The following VSIG4 variants were observed in gnomAD, a reference collection of about 807,000 sequenced individuals.
The protein encoded by VSIG4 is V-set and immunoglobulin domain containing 4, also known as V-set and immunoglobulin domain-containing protein 4.
VSIG4 carries 34 observed loss-of-function variants against 23.4 expected under a neutral mutation model. That is an observed-to-expected ratio of 1.45 (90% confidence interval 1.10 to 1.93). VSIG4 has a LOEUF of 1.93. VSIG4 is among the 30% of genes most tolerant of loss of function. The pLI is 0.00. For synonymous variants in VSIG4, 169 were observed against 120.3 expected, an observed-to-expected ratio of 1.41 and a Z score of -2.65; for missense variants, 433 against 310.8, an observed-to-expected ratio of 1.39 and a Z score of -2.96.
At chrX:66,032,366 A>T in intron 3 of VSIG4, 102 bp downstream of exon 3, 2 of 1,021,358 alleles carry the variant, frequency 2.0e-6, no homozygotes, top group Non-Finnish European at 1.3e-6. Flanking sequence ...CCTGCTTGGG[A>T]TCCTCCTCTC....
In VSIG4 at chrX:66,027,930, T is replaced by C; in HGVS notation, c.757+120A>G. 4.6e-6 allele frequency: 3 copies of C among 648,321 alleles called. No homozygotes were observed. In the South Asian group the frequency reaches 7.1e-5, roughly 15 times the overall value. The allele number at this position is 648,321 out of a possible 1,213,427, so 53.4% of individuals were successfully genotyped here. A position where few individuals can be genotyped will look rare whatever the true frequency, so the allele number is the denominator to read the frequency against. ...TTGTTTCCATTCCTTTACTGCTATGTTCTCTCTGAGGAACCAAGTGACTGT... is the reference window on the plus strand; with the variant it reads ...TTGTTTCCATTCCTTTACTGCTATGCTCTCTCTGAGGAACCAAGTGACTGT... On this transcript the variant is annotated intron_variant, in intron 4 of 7. Transcript: ENST00000374737.
chrX:66,022,746 T>C, intron 7 of VSIG4, 95 bp downstream of exon 7: 1 of 1,201,528 alleles, frequency 8.3e-7, no homozygotes. Flanking sequence ...TAGGATTGGG[T>C]CTGTGCCACA....
At chrX:66,036,155 T>G (rs1260802306) in intron 1 of VSIG4, among the ~76,000 whole-genome samples, 2 of 110,739 alleles carry the variant, frequency 1.8e-5, no homozygotes, top group African/African-American at 6.6e-5. Flanking sequence ...CCCTTCTTCC[T>G]CCTTTATTTC....
intron 1 of VSIG4, among the ~76,000 whole-genome samples, chrX:66,036,711 TA>T (rs2085549875): frequency 1.8e-5 from 1 of 54,653 alleles, no homozygotes; most frequent in Non-Finnish European, 3.0e-5. Flanking sequence ...ATTATAATTA[TA>T]TAATATATAT....
intron 1 of VSIG4, among the ~76,000 whole-genome samples, chrX:66,037,386 TA>T (rs2085614421): frequency 1.1e-4 from 2 of 18,102 alleles, no homozygotes; most frequent in African/African-American, 2.0e-3. Context: ...TAATATATAA[TA>T]TATATTATGT....
Position 66,032,325 on chromosome X carries a change from GT to G in VSIG4, c.694+142del, listed in dbSNP as rs763797718. 232 of 754,510 alleles carry G rather than the reference GT, an allele frequency of 3.1e-4. 2 individuals are homozygous for G. The highest frequency in any genetic ancestry group is 2.7e-3 in the Admixed American group (70 of 25,936). The allele number at this position is 754,510 out of a possible 1,213,427, so 62.2% of individuals were successfully genotyped here. A position where few individuals can be genotyped will look rare whatever the true frequency, so the allele number is the denominator to read the frequency against. ...TCTATCCCTGTTGTCCCCAGTCCAA[GT>G]TTTTTTTCTTTGTGATTGTACAACC... is the stretch of plus-strand genomic sequence containing the variant. On this transcript the variant is annotated intron_variant, in intron 3 of 7. Transcript: ENST00000374737.
intron 3 of VSIG4, among the ~76,000 whole-genome samples, chrX:66,030,479 G>T (rs1357806911): frequency 1.8e-5 from 2 of 111,342 alleles, no homozygotes; most frequent in South Asian, 3.8e-4. Context: ...AAAGGGTATT[G>T]CAGGGCATTG....
At chrX:66,035,005 C>T (rs1377146799) in intron 1 of VSIG4, among the ~76,000 whole-genome samples, 1 of 110,837 alleles carries the variant, frequency 9.0e-6, no homozygotes, top group Non-Finnish European at 1.9e-5. Flanking sequence ...AGTATTCAGT[C>T]AAGCGGATGG....
chrX:66,037,491 T>A (rs2085623128), intron 1 of VSIG4, among the ~76,000 whole-genome samples: 1 of 58,201 alleles, frequency 1.7e-5, no homozygotes, highest in Non-Finnish European at 2.8e-5. Context: ...TATAATACAA[T>A]ATATAATATA....
chrX:66,035,557 G>C (rs2085527213), intron 1 of VSIG4, among the ~76,000 whole-genome samples: 1 of 111,368 alleles, frequency 9.0e-6, no homozygotes, highest in Non-Finnish European at 1.9e-5. Context: ...TGTAATTATA[G>C]GTTCCAGCTG....
In VSIG4 at chrX:66,039,953, C is replaced by T. The variant is rs748025880; in HGVS notation, c.46G>A (p.Asp16Asn). The change falls in exon 1 of 8, where the codon GAC (aspartate) becomes AAC (asparagine). Residue 16 changes from aspartate (D) to asparagine (N), a missense_variant. Transcript: ENST00000374737. ...GLLLLGHLTV[D>N]TYGRPILEVP... ...CCCCTTTCTGCCTTACCATAAGTGT[C>T]CACTGTTAGGTGCCCCAGGAGTAGC... The T allele has an allele frequency of 4.1e-6, 5 of 1,211,565 alleles. No individual in the cohort carries two copies. The Admixed American group carries it at 1.1e-4, about 26-fold the overall frequency.
chrX:66,039,994 C>G lies in VSIG4; in HGVS notation c.5G>C (p.Gly2Ala). Residue 2 changes from glycine to alanine, a missense_variant, in exon 1 of 8, where the codon GGG becomes GCG. Coordinates refer to ENST00000374737, the MANE Select transcript of VSIG4 (RefSeq NM_007268.3). M[G>A]ILLGLLLLGH... ...CAGGAGTAGCAGGCCCAGTAAGATC[C>G]CCATCACAGCCAGAGCTACTTCTGT... 8.3e-7 allele frequency: 1 copy of G among 1,211,599 alleles called. No individual in the cohort carries two copies. Among genetic ancestry groups the G allele is most frequent in the Non-Finnish European group, 1.1e-6 (1 of 895,268 alleles).
At position 66,027,414 on chromosome X, in the gene VSIG4, A is replaced by G. The variant is rs138469651; in HGVS notation, c.835+35T>C. On this transcript the variant is annotated intron_variant, in intron 5 of 7. Transcript: ENST00000374737. ...GTTTTGGTCACAAAGCTTAGAGTCA[A>G]GAAGAAAAGATAGAAATCCTGACAA... 1,930 of 1,142,026 alleles carry G rather than the reference A, an allele frequency of 1.7e-3. 27 individuals carry two copies. The African/African-American group carries it at 0.028, about 17-fold the overall frequency. 94.1% of individuals were successfully genotyped at this position (1,142,026 alleles called of 1,213,427 possible). A position where few individuals can be genotyped will look rare whatever the true frequency, so the allele number is the denominator to read the frequency against.
rs769830369 is a variant in VSIG4, at chrX:66,032,489, T to A, written c.673A>T (p.Ile225Phe). ...TCACCTTTGACCACAAACTTCACAA[T>A]GTCGCTGTGCTGCTCAGAGCCAACC... ...GQVGSEQHSDIVKFVVKDSSK... is the reference protein window; with the variant it reads ...GQVGSEQHSDFVKFVVKDSSK... Residue 225 changes from isoleucine (I) to phenylalanine (F), a missense_variant, in exon 3 of 8, where the codon ATT (isoleucine) becomes TTT (phenylalanine). Physicochemically the swap from Ile to Phe is conservative, Grantham distance 21. Coordinates refer to ENST00000374737, the MANE Select transcript of VSIG4 (RefSeq NM_007268.3). The A allele has an allele frequency of 3.3e-6, 4 of 1,210,579 alleles. No individual in the cohort carries two copies. In the South Asian group the frequency reaches 7.0e-5, roughly 21 times the overall value.
At chrX:66,039,851 A>G (rs1602118072) in intron 1 of VSIG4, 93 bp downstream of exon 1, 7 of 1,061,035 alleles carry the variant, frequency 6.6e-6, no homozygotes, top group Non-Finnish European at 9.1e-6. Context: ...CCTGCCCAGT[A>G]GGAATAGGCT....
chrX:66,035,511 T>A (rs1306975185), intron 1 of VSIG4, among the ~76,000 whole-genome samples: 1 of 111,267 alleles, frequency 9.0e-6, no homozygotes, highest in Non-Finnish European at 1.9e-5. Context: ...TCTTAGGTGG[T>A]CAAGTGTTAA....
intron 3 of VSIG4, among the ~76,000 whole-genome samples, chrX:66,031,963 A>G (rs1404782177): frequency 8.9e-6 from 1 of 112,100 alleles, no homozygotes; most frequent in Non-Finnish European, 1.9e-5. Flanking sequence ...CACACAAACA[A>G]AAAACAACAG....
chrX:66,039,573 C>A (rs1038888724), intron 1 of VSIG4, among the ~76,000 whole-genome samples: 45 of 111,439 alleles, frequency 4.0e-4, no homozygotes, highest in African/African-American at 1.5e-3. Flanking sequence ...TTAACAGAGA[C>A]CAAAGCTTGG....
chrX:66,026,391 G>C (rs2085390933), intron 5 of VSIG4, among the ~76,000 whole-genome samples: 1 of 111,825 alleles, frequency 8.9e-6, no homozygotes, highest in Non-Finnish European at 1.9e-5. Flanking sequence ...AAAAAACTTG[G>C]TAGAGAAAAT....
Sources: gnomAD v4.1 joint callset for allele counts (sites outside exome capture counted in the v4.1 genomes callset) on GRCh38, gnomAD v4.1.1 for gene constraint, MANE v1.5 for transcripts, NCBI Gene and HGNC (gene_info 2026-07-23, HGNC 2026-07-21) for gene names.